Variants in ABCC1 observed in about 807,000 individuals in gnomAD.
The protein encoded by ABCC1 is multidrug resistance-associated protein 1.
A neutral mutation model predicts 172.9 loss-of-function variants in ABCC1; 83 were observed. The ratio of observed to expected loss-of-function variants is 0.48; its 90% CI spans 0.40 to 0.58. The LOEUF (loss-of-function observed/expected upper bound fraction) is 0.58. Among genes scored for constraint, ABCC1 ranks in the 20% least tolerant of loss-of-function variants. ABCC1 has a pLI of 0.00. For missense variants in ABCC1, 1,817 were observed against 2,002.7 expected (o/e 0.91, Z 1.77); for synonymous variants, 937 against 825.2 (o/e 1.14, Z -2.32).
chr16:16,123,050 C>T (rs1475936381), intron 24 of ABCC1, among the ~76,000 whole-genome samples: 1 of 152,128 alleles, frequency 6.6e-6, no homozygotes, highest in Non-Finnish European at 1.5e-5. Flanking sequence ...AAAGTGACAG[C>T]ACCCCAGAGG....
chr16:16,030,775 A>C (rs1050184905), intron 5 of ABCC1, among the ~76,000 whole-genome samples: 1 of 152,106 alleles, frequency 6.6e-6, no homozygotes, highest in African/African-American at 2.4e-5. Flanking sequence ...AAACAAAAAC[A>C]AAGCTTCAGT....
chr16:16,132,510 G>GGTTTTT (rs1277380301), intron 27 of ABCC1, among the ~76,000 whole-genome samples: 15 of 37,298 alleles, frequency 4.0e-4, no homozygotes, highest in African/African-American at 5.1e-4. Context: ...TTGGTTGGTT[G>GGTTTTT]TTTTTTTTTT....
rs183728595 is a variant in ABCC1 at position 16,044,347 on chromosome 16, G to T, written c.810-103G>T. 2,773 of 1,031,870 alleles carry T rather than the reference G, an allele frequency of 2.7e-3. 5 individuals are homozygous for T. Among genetic ancestry groups the T allele is most frequent in the Non-Finnish European group, 3.6e-3 (2,488 of 685,946 alleles). 63.9% of individuals were successfully genotyped at this position (1,031,870 alleles called of 1,614,324 possible). On this transcript the variant is annotated intron_variant, in intron 7 of 30. Coordinates refer to ENST00000399410, the MANE Select transcript of ABCC1 (RefSeq NM_004996.4). ...CTCTTTCCCTGGGCTTGTTGTCTTTGACTCTGCCTTCCCTGAAGGGTGACA... is the reference window on the plus strand; with the variant it reads ...CTCTTTCCCTGGGCTTGTTGTCTTTTACTCTGCCTTCCCTGAAGGGTGACA...
intron 1 of ABCC1, among the ~76,000 whole-genome samples, chr16:15,994,575 C>A (rs1163995855): frequency 2.0e-5 from 3 of 152,014 alleles, no homozygotes; most frequent in Non-Finnish European, 4.4e-5. Flanking sequence ...AATGTCCTAC[C>A]CTTCAATTCC....
intron 23 of ABCC1, among the ~76,000 whole-genome samples, chr16:16,116,704 A>G (rs1254618295): frequency 6.6e-6 from 1 of 152,106 alleles, no homozygotes; most frequent in Non-Finnish European, 1.5e-5. Flanking sequence ...CTGGGATTAC[A>G]GGCATGCGCC....
intron 4 of ABCC1, among the ~76,000 whole-genome samples, chr16:16,015,044 C>G (rs1019201852): frequency 1.2e-4 from 18 of 151,850 alleles, no homozygotes; most frequent in African/African-American, 4.1e-4. Flanking sequence ...CTCGCGTTAC[C>G]TTTGTCCCAT....
In ABCC1 at chr16:16,141,224, C is replaced by G. The variant is rs564579734; in HGVS notation, c.4539C>G (p.Asp1513Glu). ...TCCAGGAGTACGGCGCCCCATCGGA[C>G]CTCCTGCAGCAGAGAGGTCTTTTCT... The part of the protein sequence containing the change: ...GEIQEYGAPS[D>E]LLQQRGLFYS... Residue 1513 changes from aspartate to glutamate, a missense_variant, in exon 31 of 31, where the codon GAC (aspartate) becomes GAG (glutamate). Physicochemically the swap from Asp to Glu is conservative, Grantham distance 45. Transcript: ENST00000399410. 27 of 1,614,054 alleles carry G rather than the reference C, an allele frequency of 1.7e-5. 1 individual carries two copies. The highest frequency in any genetic ancestry group is 3.3e-4 in the Middle Eastern group (2 of 6,056).
intron 1 of ABCC1, among the ~76,000 whole-genome samples, chr16:15,950,983 A>G (rs934829177): frequency 6.6e-6 from 1 of 152,002 alleles, no homozygotes; most frequent in African/African-American, 2.4e-5. Context: ...ACACTTTGAT[A>G]TATCTCCCAT....
intron 7 of ABCC1, among the ~76,000 whole-genome samples, chr16:16,041,407 G>C (rs111566928): frequency 3.6e-4 from 55 of 152,212 alleles, no homozygotes; most frequent in African/African-American, 1.3e-3. Context: ...TGGGTCTTGG[G>C]GCTTGAAAGC....
At chr16:16,034,719 C>A (rs2048690155) in intron 6 of ABCC1, among the ~76,000 whole-genome samples, 1 of 150,842 alleles carries the variant, frequency 6.6e-6, no homozygotes, top group East Asian at 2.0e-4. Flanking sequence ...TCCTGAGTAG[C>A]TGGGATTACA....
intron 19 of ABCC1, among the ~76,000 whole-genome samples, chr16:16,101,088 G>A (rs1415191682): frequency 6.6e-6 from 1 of 151,482 alleles, no homozygotes; most frequent in Non-Finnish European, 1.5e-5. Flanking sequence ...CTGGAGTGTG[G>A]TAGCATGATT....
chr16:15,994,577 T>A (rs1000666694), intron 1 of ABCC1, among the ~76,000 whole-genome samples: 2 of 152,144 alleles, frequency 1.3e-5, no homozygotes, highest in Non-Finnish European at 2.9e-5. Flanking sequence ...TGTCCTACCC[T>A]TCAATTCCTG....
Position 16,086,998 on chromosome 16 carries a change from G to T in ABCC1, c.2460+7G>T. 1 of 1,614,090 alleles carries T rather than the reference G, an allele frequency of 6.2e-7. No individual in the cohort carries two copies. The stretch of plus-strand genomic sequence containing the variant: ...GGGGATGCTGAAGAACAAGGTGCCT[G>T]CTGGCGGGGTGGGGCTTGGTGTTGG... On this transcript the variant is annotated splice_region_variant and intron_variant, in intron 18 of 30. Transcript: ENST00000399410.
rs371370043 is a variant in ABCC1, at chr16:16,105,779, C to T, written c.2736-959C>T. Reference sequence around the variant, plus strand: ...CAGGCTGGAGTGCAGTGTGCAGTGGCGCGATGTCAGCCACTGAACGGAAAA... The same window carrying T: ...CAGGCTGGAGTGCAGTGTGCAGTGGTGCGATGTCAGCCACTGAACGGAAAA... On this transcript the variant is annotated intron_variant, in intron 20 of 30. Transcript: ENST00000399410. Among the ~76,000 whole-genome samples, 13 of 145,434 alleles carry T rather than the reference C, an allele frequency of 8.9e-5. No individual in the cohort carries two copies. The South Asian group carries it at 1.5e-3, about 17-fold the overall frequency.
chr16:16,086,998 G>C lies in ABCC1; in HGVS notation c.2460+7G>C, dbSNP rs1456038892. The C allele has an allele frequency of 6.2e-7, 1 of 1,614,090 alleles. No individual in the cohort carries two copies. The highest frequency in any genetic ancestry group is 1.1e-5 in the South Asian group (1 of 91,076). On this transcript the variant is annotated splice_region_variant and intron_variant, in intron 18 of 30. Coordinates refer to ENST00000399410, the MANE Select transcript of ABCC1 (RefSeq NM_004996.4). ...GGGGATGCTGAAGAACAAGGTGCCT[G>C]CTGGCGGGGTGGGGCTTGGTGTTGG...
chr16:15,999,963 T>C (rs1370492758), intron 1 of ABCC1, among the ~76,000 whole-genome samples: 1 of 149,504 alleles, frequency 6.7e-6, no homozygotes, highest in Non-Finnish European at 1.5e-5. Context: ...CAAGTGATTC[T>C]TCTGCCTCAG....
In ABCC1 at chr16:16,106,762, T is replaced by C. The variant is rs1489723969; in HGVS notation, c.2760T>C (p.Tyr920=). Residue 920 remains tyrosine, a synonymous_variant, in exon 21 of 31, where the codon TAT becomes TAC. Transcript: ENST00000399410. The part of the protein sequence containing the change: ...LQRQLSSSSS[Y]SGDISRHHNS... ...GACAGCTCAGCAGCTCCTCCTCCTA[T>C]AGTGGGGACATCAGCAGGCACCACA... 1.9e-6 allele frequency: 3 copies of C among 1,613,904 alleles called. No homozygotes were observed. Among genetic ancestry groups the C allele is most frequent in the Non-Finnish European group, 2.5e-6 (3 of 1,179,972 alleles).
intron 20 of ABCC1, among the ~76,000 whole-genome samples, chr16:16,103,738 T>C (rs938238219): frequency 7.2e-5 from 11 of 152,262 alleles, no homozygotes; most frequent in Non-Finnish European, 1.5e-4. Context: ...GCAAAGACCA[T>C]GCGGCATAGC....
chr16:16,042,412 C>A (rs970108051), intron 7 of ABCC1, among the ~76,000 whole-genome samples: 3 of 151,992 alleles, frequency 2.0e-5, no homozygotes, highest in Non-Finnish European at 4.4e-5. Context: ...TGTACAAGAA[C>A]GAACTATTGG....
Sources: gnomAD v4.1 joint callset for allele counts (sites outside exome capture counted in the v4.1 genomes callset) on GRCh38, gnomAD v4.1.1 for gene constraint, MANE v1.5 for transcripts, NCBI Gene and HGNC (gene_info 2026-07-23, HGNC 2026-07-21) for gene names.